The following ZNF813 variants were observed in gnomAD, a reference collection of about 807,000 sequenced individuals.
ZNF813 encodes the protein zinc finger protein 813.
ZNF813 carries 3 observed loss-of-function variants against 7.2 expected under a neutral mutation model. The ratio of observed to expected loss-of-function variants is 0.42; its 90% CI spans 0.19 to 1.08. The LOEUF (loss-of-function observed/expected upper bound fraction) is 1.08, where lower values mean the gene tolerates loss of function less well. ZNF813 is among the 50% of genes least tolerant of loss of function. ZNF813 has a pLI of 0.30. For missense variants in ZNF813, 714 were observed against 753.3 expected (o/e 0.95, Z 0.61); for synonymous variants, 227 against 256.3 (o/e 0.89, Z 1.09).
rs560009983 is a variant in ZNF813 at position 53,487,305 on chromosome 19, T to C, written c.142+547T>C. On this transcript the variant is annotated intron_variant, in intron 3 of 3. Coordinates refer to ENST00000396403, the MANE Select transcript of ZNF813 (RefSeq NM_001004301.4). ...ACCATTGCATTTCTGTTACATATTA[T>C]CTGTATTGTAGATTTTTTTTGTTCT... is the stretch of plus-strand genomic sequence containing the variant. 5.9e-5 allele frequency among the ~76,000 whole-genome samples: 9 copies of C among 152,342 alleles called. 1 individual carries two copies. The South Asian group carries it at 1.9e-3, about 32-fold the overall frequency.
At chr19:53,484,091 G>C (rs909379989) in intron 2 of ZNF813, among the ~76,000 whole-genome samples, 4 of 152,086 alleles carry the variant, frequency 2.6e-5, no homozygotes, top group Non-Finnish European at 5.9e-5. Context: ...GAGACGGGGT[G>C]AGGGTCCCAT....
At chr19:53,480,423 C>T (rs2086402811) in intron 1 of ZNF813, among the ~76,000 whole-genome samples, 1 of 150,136 alleles carries the variant, frequency 6.7e-6, no homozygotes, top group Admixed American at 6.7e-5. Context: ...ATCCTATAAT[C>T]AGCTCACATC....
rs141416787 is a variant in ZNF813, at chr19:53,479,802, G to A, written c.-73-3948G>A. ...GAATGAGCTGAGCTGGCAGAGTCCC[G>A]TTGCTGAGAGATGGATGAGCAGATC... On this transcript the variant is annotated intron_variant, in intron 1 of 3. Coordinates refer to ENST00000396403, the MANE Select transcript of ZNF813 (RefSeq NM_001004301.4). The A allele has an allele frequency of 1.5e-4, 177 of 1,174,614 alleles. 2 individuals carry two copies. The East Asian group carries it at 2.0e-3, about 13-fold the overall frequency. 72.8% of individuals were successfully genotyped at this position (1,174,614 alleles called of 1,614,324 possible).
chr19:53,480,380 A>AT (rs2086402583), intron 1 of ZNF813, among the ~76,000 whole-genome samples: 1 of 148,360 alleles, frequency 6.7e-6, no homozygotes, highest in Non-Finnish European at 1.5e-5. Flanking sequence ...AAAAAAAAAA[A>AT]ACATAATTAC....
rs2086383111 is a variant in ZNF813 at position 53,476,646 on chromosome 19, T to C, written c.-73-7104T>C. 6.0e-5 allele frequency among the ~76,000 whole-genome samples: 9 copies of C among 150,984 alleles called. No homozygotes were observed. The South Asian group carries it at 1.9e-3, about 32-fold the overall frequency. On this transcript the variant is annotated intron_variant, in intron 1 of 3. Transcript: ENST00000396403. Reference sequence around the variant, plus strand: ...TCCATCTCAAAAAAAAAAAAAAAGATTGTGGGAGAGTTTTTTTGTTTGTTT... The same window carrying C: ...TCCATCTCAAAAAAAAAAAAAAAGACTGTGGGAGAGTTTTTTTGTTTGTTT...
chr19:53,468,219 G>GCCCCCCC (rs34920971), intron 1 of ZNF813, among the ~76,000 whole-genome samples: 1 of 52,916 alleles, frequency 1.9e-5, no homozygotes, highest in Non-Finnish European at 3.9e-5. Flanking sequence ...GCGCCCTCGC[G>GCCCCCCC]CCCCCCCCCC....
Position 53,493,754 on chromosome 19 carries a change from T to C in ZNF813, c.*1668T>C, listed in dbSNP as rs2086474532. The stretch of plus-strand genomic sequence containing the variant: ...ATCTACAAACACATATAATTTTACT[T>C]CTTTCTTTCTGATTTGGATGGGTTT... On this transcript the variant is annotated 3_prime_UTR_variant, in exon 4 of 4. Coordinates refer to ENST00000396403, the MANE Select transcript of ZNF813 (RefSeq NM_001004301.4). The C allele has an allele frequency of 6.6e-6, 1 of 152,246 alleles. No homozygotes were observed. The highest frequency in any genetic ancestry group is 1.5e-5 in the Non-Finnish European group (1 of 68,040). The allele number at this position is 152,246 out of a possible 1,614,324, so 9.4% of individuals were successfully genotyped here.
intron 2 of ZNF813, among the ~76,000 whole-genome samples, chr19:53,485,625 TGTC>T (rs1449725623): frequency 2.0e-5 from 3 of 152,296 alleles, no homozygotes; most frequent in East Asian, 3.9e-4. Context: ...TATACATGCA[TGTC>T]GTGATATATA....
chr19:53,480,921 G>A (rs1405653640), intron 1 of ZNF813, among the ~76,000 whole-genome samples: 6 of 152,144 alleles, frequency 3.9e-5, no homozygotes, highest in African/African-American at 1.4e-4. Context: ...GCATAAGGTG[G>A]GTCCAGGGGG....
chr19:53,483,873 T>C lies in ZNF813; in HGVS notation c.15+36T>C, dbSNP rs375793582. The C allele has an allele frequency of 2.5e-5, 40 of 1,613,940 alleles. No homozygotes were observed. In the African/African-American group the frequency reaches 4.7e-4, roughly 19 times the overall value. On this transcript the variant is annotated intron_variant, in intron 2 of 3. Coordinates refer to ENST00000396403, the MANE Select transcript of ZNF813 (RefSeq NM_001004301.4). ...ATTTTTGGTGGATTGTTCTGTCTCC[T>C]TCCCCTCAGAAATGCTGGGCCTTGG...
chr19:53,484,471 G>A (rs572470360), intron 2 of ZNF813, among the ~76,000 whole-genome samples: 3 of 152,168 alleles, frequency 2.0e-5, no homozygotes, highest in Non-Finnish European at 4.4e-5. Flanking sequence ...TTACGCTCAT[G>A]GAGACTGTGG....
At chr19:53,483,988 T>G (rs1001397954) in intron 2 of ZNF813, among the ~76,000 whole-genome samples, 151 bp downstream of exon 2, 4 of 152,132 alleles carry the variant, frequency 2.6e-5, no homozygotes, top group Non-Finnish European at 5.9e-5. Context: ...CTTTTCTCAC[T>G]TAGATTCCAT....
At chr19:53,488,414 C>CTT (rs369044232) in intron 3 of ZNF813, 579 of 242,790 alleles carry the variant, frequency 2.4e-3, no homozygotes, top group South Asian at 5.2e-3. Flanking sequence ...CCTTTTTTTT[C>CTT]TTTTTTTTTT....
At chr19:53,482,725 T>TG (rs1464406700) in intron 1 of ZNF813, among the ~76,000 whole-genome samples, 26 of 134,114 alleles carry the variant, frequency 1.9e-4, no homozygotes, top group African/African-American at 7.0e-4. Flanking sequence ...TTTTTTTTTT[T>TG]TTTTTTTTTT....
At chr19:53,483,894 C>G (rs923429773) in intron 2 of ZNF813, 57 bp downstream of exon 2, 64 of 1,613,332 alleles carry the variant, frequency 4.0e-5, no homozygotes, top group Non-Finnish European at 5.3e-5. Flanking sequence ...AATGCTGGGC[C>G]TTGGAGTTGG....
rs750888884 is a variant in ZNF813 at position 53,496,178 on chromosome 19, T to C, written c.*4092T>C. On this transcript the variant is annotated 3_prime_UTR_variant, in exon 4 of 4. Coordinates refer to ENST00000396403, the MANE Select transcript of ZNF813 (RefSeq NM_001004301.4). ...ATATGTTTTTTCTCTGAATCTGCTA[T>C]GAACACGTCAGTTGGGTGGGTTCAG... is the stretch of plus-strand genomic sequence containing the variant. 1 of 180,738 alleles carries C rather than the reference T, an allele frequency of 5.5e-6. No individual in the cohort carries two copies. The highest frequency in any genetic ancestry group is 1.2e-5 in the Non-Finnish European group (1 of 83,556). 11.2% of individuals were successfully genotyped at this position (180,738 alleles called of 1,614,324 possible).
At chr19:53,474,415 G>A (rs945513512) in intron 1 of ZNF813, among the ~76,000 whole-genome samples, 19 of 152,100 alleles carry the variant, frequency 1.2e-4, no homozygotes, top group Admixed American at 3.9e-4. Context: ...GTGGCCGGGC[G>A]CGGTGGCTCA....
In ZNF813 at chr19:53,494,567, C is replaced by T. The variant is rs10423700; in HGVS notation, c.*2481C>T. On this transcript the variant is annotated 3_prime_UTR_variant, in exon 4 of 4. Transcript: ENST00000396403. Reference sequence around the variant, plus strand: ...CTGAGGCAGGAGAATGGCTTGAACCCGGGAGGCAGAGATTGCTGTGAGCCG... The same window carrying T: ...CTGAGGCAGGAGAATGGCTTGAACCTGGGAGGCAGAGATTGCTGTGAGCCG... 0.13 allele frequency: 19,720 copies of T among 151,252 alleles called. 1,432 individuals carry two copies. Among genetic ancestry groups the T allele is most frequent in the African/African-American group, 0.19 (7,907 of 41,110 alleles). 9.4% of individuals were successfully genotyped at this position (151,252 alleles called of 1,614,324 possible). A position where few individuals can be genotyped will look rare whatever the true frequency, so the allele number is the denominator to read the frequency against.
intron 1 of ZNF813, among the ~76,000 whole-genome samples, chr19:53,482,318 C>T (rs1477197473): frequency 6.6e-6 from 1 of 152,210 alleles, no homozygotes; most frequent in East Asian, 1.9e-4. Context: ...TCACGTCAGT[C>T]CCTGGCAGGG....
Sources: gnomAD v4.1 joint callset for allele counts (sites outside exome capture counted in the v4.1 genomes callset) on GRCh38, gnomAD v4.1.1 for gene constraint, MANE v1.5 for transcripts, NCBI Gene and HGNC (gene_info 2026-07-23, HGNC 2026-07-21) for gene names.